STK39: variants seen among roughly 807,000 people sequenced by gnomAD.
The protein encoded by STK39 is serine/threonine kinase 39, also known as STE20/SPS1-related proline-alanine-rich protein kinase.
STK39 carries 20 observed loss-of-function variants against 77.8 expected under a neutral mutation model. The ratio of observed to expected loss-of-function variants is 0.26; its 90% CI spans 0.18 to 0.37. The LOEUF is 0.37. Ranked by LOEUF, STK39 falls within the 10% of genes least tolerant of loss-of-function variation. The pLI, the probability that STK39 is intolerant of heterozygous loss-of-function variation, is 1.00. For missense variants in STK39, 479 were observed against 656.5 expected (o/e 0.73, Z 2.95); for synonymous variants, 246 against 234.1 (o/e 1.05, Z -0.47).
In STK39 at chr2:168,017,147, C is replaced by T. The variant is rs532650326; in HGVS notation, c.1377-52G>A. ...AAAGTCTAGGGAAGCAGAGTTTAGTCGAACTACATGTATTCAGATTTTCAC... is the reference window on the plus strand; with the variant it reads ...AAAGTCTAGGGAAGCAGAGTTTAGTTGAACTACATGTATTCAGATTTTCAC... On this transcript the variant is annotated intron_variant, in intron 14 of 17. Transcript: ENST00000355999. 3.5e-5 allele frequency: 45 copies of T among 1,297,674 alleles called. No individual in the cohort carries two copies. In the South Asian group the frequency reaches 4.1e-4, roughly 12 times the overall value. The allele number at this position is 1,297,674 out of a possible 1,614,324, so 80.4% of individuals were successfully genotyped here. A position where few individuals can be genotyped will look rare whatever the true frequency, so the allele number is the denominator to read the frequency against.
intron 2 of STK39, among the ~76,000 whole-genome samples, chr2:168,177,926 G>A (rs1221681527): frequency 1.3e-5 from 2 of 152,064 alleles, no homozygotes; most frequent in African/African-American, 2.4e-5. Context: ...AAAGACAAAA[G>A]GTCCAGAAAA....
rs1688379763 is a variant in STK39 at position 168,154,697 on chromosome 2, G to C, written c.628+7090C>G. 2.5e-5 allele frequency among the ~76,000 whole-genome samples: 3 copies of C among 121,778 alleles called. No individual in the cohort carries two copies. The South Asian group carries it at 7.9e-4, about 32-fold the overall frequency. 79.9% of individuals were successfully genotyped at this position (121,778 alleles called of 152,430 possible). Reference sequence around the variant, plus strand: ...AAATTTATATAGTTGACTGTTTAATGTGTCACCTAAACTCCATGACAGTAG... The same window carrying C: ...AAATTTATATAGTTGACTGTTTAATCTGTCACCTAAACTCCATGACAGTAG... On this transcript the variant is annotated intron_variant, in intron 5 of 17. Coordinates refer to ENST00000355999, the MANE Select transcript of STK39 (RefSeq NM_013233.3).
At chr2:168,132,062 G>A (rs1687711032) in intron 8 of STK39, among the ~76,000 whole-genome samples, 1 of 152,190 alleles carries the variant, frequency 6.6e-6, no homozygotes, top group Admixed American at 6.5e-5. Flanking sequence ...CACCTTGGAA[G>A]GAGAAGGGCT....
intron 14 of STK39, among the ~76,000 whole-genome samples, chr2:168,045,933 G>A (rs963976067): frequency 1.3e-5 from 2 of 152,140 alleles, no homozygotes; most frequent in African/African-American, 2.4e-5. Flanking sequence ...TACAACTGCA[G>A]GAGTCCCCCA....
chr2:167,959,039 GT>G (rs1469517673), intron 17 of STK39, among the ~76,000 whole-genome samples: 2 of 152,100 alleles, frequency 1.3e-5, no homozygotes, highest in African/African-American at 4.8e-5. Context: ...AGCGATACAA[GT>G]TTTCCAAAAT....
At chr2:168,121,921 TA>T (rs1394346565) in intron 10 of STK39, among the ~76,000 whole-genome samples, 2 of 152,182 alleles carry the variant, frequency 1.3e-5, no homozygotes, top group African/African-American at 4.8e-5. Flanking sequence ...CAACAAAAGA[TA>T]CAGATATAGC....
rs146936962 is a variant in STK39 at position 168,078,867 on chromosome 2, T to A, written c.1090-3636A>T. Among the ~76,000 whole-genome samples, 8 of 151,958 alleles carry A rather than the reference T, an allele frequency of 5.3e-5. No individual in the cohort carries two copies. In the East Asian group the frequency reaches 1.6e-3, roughly 30 times the overall value. The stretch of plus-strand genomic sequence containing the variant: ...TACCCCTTCGGTGGGAATCCTGCAC[T>A]CAGCCTCTCCTCCACCTGCTGAACA... On this transcript the variant is annotated intron_variant, in intron 10 of 17. Coordinates refer to ENST00000355999, the MANE Select transcript of STK39 (RefSeq NM_013233.3).
At chr2:168,131,025 T>A (rs1687682577) in intron 8 of STK39, among the ~76,000 whole-genome samples, 1 of 152,232 alleles carries the variant, frequency 6.6e-6, no homozygotes, top group South Asian at 2.1e-4. Flanking sequence ...GATGTGTGAA[T>A]CTGCTAAATA....
intron 14 of STK39, among the ~76,000 whole-genome samples, chr2:168,027,563 TATAC>T (rs948718986): frequency 5.3e-5 from 8 of 152,324 alleles, no homozygotes; most frequent in African/African-American, 1.9e-4. Context: ...GACTAAGTGA[TATAC>T]ATACATGCAT....
At chr2:168,177,299 T>C (rs1010004232) in intron 2 of STK39, among the ~76,000 whole-genome samples, 1 of 152,170 alleles carries the variant, frequency 6.6e-6, no homozygotes, top group Non-Finnish European at 1.5e-5. Flanking sequence ...ATTTCTCCTA[T>C]GACTCTCCTG....
At chr2:168,124,833 C>A (rs1049119361) in intron 10 of STK39, among the ~76,000 whole-genome samples, 5 of 152,060 alleles carry the variant, frequency 3.3e-5, no homozygotes, top group African/African-American at 9.7e-5. Flanking sequence ...AGAAGATGCA[C>A]ACAGATTATG....
chr2:168,210,030 AAAGGAAGGAAGGAAGGAAGGAAGG>A (rs764085860), intron 1 of STK39, among the ~76,000 whole-genome samples: 3 of 110,084 alleles, frequency 2.7e-5, no homozygotes, highest in East Asian at 3.1e-4. Context: ...GAAAGGAAAG[AAAGGAAGGAAGGAAGGAAGGAAGG>A]AAGGAAGGAA....
rs572715169 is a variant in STK39 at position 168,179,829 on chromosome 2, C to G, written c.321+2149G>C. Among the ~76,000 whole-genome samples, 18 of 152,228 alleles carry G rather than the reference C, an allele frequency of 1.2e-4. 1 individual carries two copies. In the South Asian group the frequency reaches 3.5e-3, roughly 30 times the overall value. The stretch of plus-strand genomic sequence containing the variant: ...GCTGACCTCCACCCAGAAGCTTACA[C>G]GGTTACCATCACTGGACACTGTGGA... On this transcript the variant is annotated intron_variant, in intron 2 of 17. Coordinates refer to ENST00000355999, the MANE Select transcript of STK39 (RefSeq NM_013233.3).
intron 1 of STK39, among the ~76,000 whole-genome samples, chr2:168,210,682 G>A (rs1332401000): frequency 6.6e-6 from 1 of 152,020 alleles, no homozygotes; most frequent in African/African-American, 2.4e-5. Context: ...ACCACACCCG[G>A]CTAATTTTTA....
chr2:168,046,450 G>A (rs1290415938), intron 14 of STK39, among the ~76,000 whole-genome samples: 1 of 152,200 alleles, frequency 6.6e-6, no homozygotes, highest in Non-Finnish European at 1.5e-5. Flanking sequence ...CAGCCGTTCA[G>A]CATCCACGCA....
chr2:167,966,940 C>T (rs1048462518), intron 16 of STK39, among the ~76,000 whole-genome samples: 3 of 152,152 alleles, frequency 2.0e-5, no homozygotes, highest in Non-Finnish European at 4.4e-5. Context: ...ATTTCTTTTC[C>T]AGTAGCAATG....
chr2:168,190,426 C>A (rs553459193), intron 1 of STK39, among the ~76,000 whole-genome samples: 39 of 152,308 alleles, frequency 2.6e-4, no homozygotes, highest in African/African-American at 9.4e-4. Context: ...TGCCTTCAGG[C>A]ATTTCTGATT....
chr2:168,169,137 C>A (rs4667564), intron 2 of STK39, among the ~76,000 whole-genome samples: 41,622 of 152,054 alleles, frequency 0.27, 6,522 homozygotes, highest in East Asian at 0.56. Context: ...TTTTCTAAAT[C>A]TGACACTTTT....
At chr2:168,107,356 T>C (rs1687002008) in intron 10 of STK39, among the ~76,000 whole-genome samples, 1 of 152,178 alleles carries the variant, frequency 6.6e-6, no homozygotes, top group Non-Finnish European at 1.5e-5. Context: ...CTTTGAAAGG[T>C]TTGGGAATTT....
Sources: allele counts gnomAD v4.1 joint callset (sites outside exome capture counted in the v4.1 genomes callset), GRCh38; gene constraint gnomAD v4.1.1; transcripts MANE v1.5; gene names NCBI Gene and HGNC (gene_info 2026-07-23, HGNC 2026-07-21).